The following PFKFB4 variants were observed in gnomAD, a reference collection of about 807,000 sequenced individuals.
PFKFB4 encodes 6-phosphofructo-2-kinase/fructose-2,6-bisphosphatase 4.
A neutral mutation model predicts 62.8 loss-of-function variants in PFKFB4; 42 were observed. The ratio of observed to expected loss-of-function variants is 0.67; its 90% confidence interval spans 0.52 to 0.86. PFKFB4 has a LOEUF of 0.86. Ranked by LOEUF, PFKFB4 falls within the 40% of genes least tolerant of loss-of-function variation. The pLI, the probability that PFKFB4 is intolerant of heterozygous loss-of-function variation, is 0.00. For missense variants in PFKFB4, 475 were observed against 627.2 expected (o/e 0.76, Z 2.59); for synonymous variants, 204 against 240.7 (o/e 0.85, Z 1.41).
At chr3:48,539,041 G>A (rs2042719500) in intron 6 of PFKFB4, among the ~76,000 whole-genome samples, 1 of 152,100 alleles carries the variant, frequency 6.6e-6, no homozygotes, top group South Asian at 2.1e-4. Context: ...TGTCCAGGTG[G>A]TTACGAGGCG....
intron 3 of PFKFB4, among the ~76,000 whole-genome samples, chr3:48,549,082 A>G (rs966750658): frequency 6.6e-6 from 1 of 152,174 alleles, no homozygotes; most frequent in Admixed American, 6.5e-5. Flanking sequence ...TAGGTTGATA[A>G]GGGGCTTCTC....
intron 9 of PFKFB4, among the ~76,000 whole-genome samples, chr3:48,534,947 T>C (rs1476240173): frequency 6.6e-6 from 1 of 152,022 alleles, no homozygotes; most frequent in African/African-American, 2.4e-5. Flanking sequence ...TACGTGGGAT[T>C]ACAGGTACCC....
chr3:48,546,045 G>A (rs1338639563), intron 3 of PFKFB4, among the ~76,000 whole-genome samples: 4 of 152,062 alleles, frequency 2.6e-5, no homozygotes, highest in Admixed American at 2.6e-4. Context: ...ATAAGAGAGT[G>A]CAAATGGGGT....
intron 10 of PFKFB4, among the ~76,000 whole-genome samples, chr3:48,524,772 C>CAT (rs913566066): frequency 1.1e-4 from 16 of 152,282 alleles, no homozygotes; most frequent in African/African-American, 3.6e-4. Flanking sequence ...TATATGTGTA[C>CAT]ATATGTGTGT....
intron 9 of PFKFB4, among the ~76,000 whole-genome samples, chr3:48,530,562 A>G (rs772430335): frequency 5.9e-5 from 9 of 152,218 alleles, no homozygotes; most frequent in Non-Finnish European, 1.2e-4. Flanking sequence ...AATAAAGAGA[A>G]AATTCCAAGG....
intron 1 of PFKFB4, among the ~76,000 whole-genome samples, chr3:48,552,506 A>T (rs529174287): frequency 1.3e-5 from 2 of 152,380 alleles, no homozygotes; most frequent in East Asian, 3.9e-4. Context: ...GAGAACTCTC[A>T]GTATTAGCTA....
intron 1 of PFKFB4, 108 bp from the exon 2 acceptor site, chr3:48,550,342 C>T (rs769478648): frequency 1.5e-5 from 11 of 741,426 alleles, no homozygotes; most frequent in Non-Finnish European, 1.2e-5. Context: ...TGGCATCAGA[C>T]GTATCTTCTT....
intron 9 of PFKFB4, among the ~76,000 whole-genome samples, chr3:48,533,385 TA>T (rs1004753139): frequency 4.0e-5 from 6 of 150,888 alleles, no homozygotes; most frequent in Admixed American, 3.3e-4. Flanking sequence ...TTTACCACAG[TA>T]AAAAAAAATG....
chr3:48,549,596 G>A (rs1343342258), intron 3 of PFKFB4, among the ~76,000 whole-genome samples: 1 of 152,050 alleles, frequency 6.6e-6, no homozygotes, highest in Non-Finnish European at 1.5e-5. Context: ...CAGCCACCAG[G>A]AGGCCACACA....
At chr3:48,553,911 G>A (rs1018611794) in intron 1 of PFKFB4, among the ~76,000 whole-genome samples, 6 of 152,138 alleles carry the variant, frequency 3.9e-5, no homozygotes, top group Admixed American at 1.3e-4. Context: ...ATCAAACACC[G>A]TCCTTTCTGC....
chr3:48,555,676 A>T (rs2043291187), intron 1 of PFKFB4, among the ~76,000 whole-genome samples: 1 of 152,056 alleles, frequency 6.6e-6, no homozygotes, highest in African/African-American at 2.4e-5. Context: ...CAGAGGATCC[A>T]CTTGAAGCCA....
At chr3:48,529,307 A>G (rs961175470) in intron 9 of PFKFB4, among the ~76,000 whole-genome samples, 4 of 152,164 alleles carry the variant, frequency 2.6e-5, no homozygotes, top group African/African-American at 9.7e-5. Context: ...TGTGGATTAA[A>G]CTAAGAAAAA....
chr3:48,535,791 CT>C (rs1023954050), intron 8 of PFKFB4, 133 bp from the exon 9 acceptor site: 12 of 1,035,190 alleles, frequency 1.2e-5, no homozygotes, highest in Non-Finnish European at 1.6e-5. Flanking sequence ...CATGAACTAA[CT>C]TGTCGATGAC....
rs1289185902 is a variant in PFKFB4, at chr3:48,521,338, A to T, written c.1350+648T>A. 6.6e-6 allele frequency among the ~76,000 whole-genome samples: 1 copy of T among 151,898 alleles called. No homozygotes were observed. The highest frequency in any genetic ancestry group is 6.6e-5 in the Admixed American group (1 of 15,246). ...GAGAGGGAGCCAACATTGTGGAGGG[A>T]CCCCACATGGGACTAAGAGTGGTTC... On this transcript the variant is annotated intron_variant, in intron 13 of 13. Coordinates refer to ENST00000232375, the MANE Select transcript of PFKFB4 (RefSeq NM_004567.4). This position sits in a 1 kb window ranked among gnomAD's most constrained non-coding sequence, Gnocchi z 5.3.
chr3:48,562,398 G>A (rs566488649), upstream of PFKFB4: 22 of 235,380 alleles, frequency 9.3e-5, no homozygotes, highest in Middle Eastern at 2.6e-3. The surrounding 1 kb of genome is among the most constrained non-coding windows in gnomAD (Gnocchi z 4.3). Context: ...GCATGTGGCG[G>A]TGTCCAGGTG....
intron 4 of PFKFB4, among the ~76,000 whole-genome samples, chr3:48,541,573 C>T (rs902635967): frequency 6.6e-6 from 1 of 152,180 alleles, no homozygotes; most frequent in Non-Finnish European, 1.5e-5. Context: ...GTCAGCCCAG[C>T]ATCACTTTTT....
chr3:48,556,815 C>A (rs1367980800), upstream of PFKFB4: 34 of 1,575,344 alleles, frequency 2.2e-5, no homozygotes, highest in Admixed American at 1.3e-4. The surrounding 1 kb of genome is among the most constrained non-coding windows in gnomAD (Gnocchi z 5.7). Flanking sequence ...CCGCTTCCAA[C>A]CCAGCAGCCG....
chr3:48,524,069 G>C (rs1386445909), intron 10 of PFKFB4, among the ~76,000 whole-genome samples: 1 of 152,200 alleles, frequency 6.6e-6, no homozygotes, highest in Non-Finnish European at 1.5e-5. Flanking sequence ...TAGGCCTCAG[G>C]CTCCATCCCA....
At chr3:48,523,291 A>G (rs2042153661) in intron 12 of PFKFB4, among the ~76,000 whole-genome samples, 1 of 152,046 alleles carries the variant, frequency 6.6e-6, no homozygotes, top group Admixed American at 6.6e-5. Context: ...GGCAGAGGCA[A>G]GAGAATCATC....
Sources: gnomAD v4.1 joint callset for allele counts (sites outside exome capture counted in the v4.1 genomes callset) on GRCh38, gnomAD v4.1.1 for gene constraint, Gnocchi (gnomAD v3.1) non-coding constraint, MANE v1.5 for transcripts, NCBI Gene and HGNC (gene_info 2026-07-23, HGNC 2026-07-21) for gene names.